The following LRMDA variants were observed in gnomAD, a reference collection of about 807,000 sequenced individuals.
The protein encoded by LRMDA is leucine-rich melanocyte differentiation-associated protein.
A neutral mutation model predicts 29.8 loss-of-function variants in LRMDA; 18 were observed. The observed-to-expected ratio is 0.60, with a 90% CI of 0.42 to 0.90. LRMDA has a LOEUF of 0.90. LRMDA is among the 40% of genes least tolerant of loss of function. The pLI, the probability that LRMDA is intolerant of heterozygous loss-of-function variation, is 0.00. For synonymous variants in LRMDA, 125 were observed against 109.4 expected, an observed-to-expected ratio of 1.14 and a Z score of -0.89; for missense variants, 273 against 273.9, an observed-to-expected ratio of 1.00 and a Z score of 0.02.
intron 5 of LRMDA, among the ~76,000 whole-genome samples, chr10:76,131,454 A>AT (rs1849990657): frequency 6.6e-6 from 1 of 152,156 alleles, no homozygotes; most frequent in Non-Finnish European, 1.5e-5. Context: ...TTCAATGGAC[A>AT]TTTTTATGTT....
intron 2 of LRMDA, among the ~76,000 whole-genome samples, chr10:75,830,599 G>A (rs1324345787): frequency 1.3e-5 from 2 of 151,066 alleles, no homozygotes; most frequent in Non-Finnish European, 2.9e-5. Flanking sequence ...ATCTTGTGAG[G>A]CCCATTCACT....
In LRMDA at chr10:76,260,670, C is replaced by T. The variant is rs1839927418; in HGVS notation, c.517-63731C>T. ...GAGTATAATGTGCCTCCAAGAGAAC[C>T]TGTTTGGGGTGACTCTATTTGGAGT... On this transcript the variant is annotated intron_variant, in intron 5 of 6. Coordinates refer to ENST00000611255, the MANE Select transcript of LRMDA (RefSeq NM_001305581.2). 3 of 152,126 alleles carry T rather than the reference C, an allele frequency of 2.0e-5. No homozygotes were observed. In the South Asian group the frequency reaches 6.2e-4, roughly 32 times the overall value. The allele number at this position is 152,126 out of a possible 1,614,324, so 9.4% of individuals were successfully genotyped here.
chr10:75,523,905 G>A (rs10824314), intron 2 of LRMDA, among the ~76,000 whole-genome samples: 36,320 of 151,994 alleles, frequency 0.24, 4,489 homozygotes, highest in Non-Finnish European at 0.26. Flanking sequence ...TATAGAAAAA[G>A]CATCTGAAAA....
intron 2 of LRMDA, among the ~76,000 whole-genome samples, chr10:75,672,269 C>G (rs1841900064): frequency 6.6e-6 from 1 of 151,934 alleles, no homozygotes; most frequent in Non-Finnish European, 1.5e-5. Context: ...GCTCCGTGGT[C>G]TACCCAGACA....
In LRMDA at chr10:76,557,456, A is replaced by G. The variant is rs1404069601; in HGVS notation, c.*168A>G. 3 of 630,116 alleles carry G rather than the reference A, an allele frequency of 4.8e-6. No homozygotes were observed. The highest frequency in any genetic ancestry group is 2.7e-5 in the East Asian group (1 of 36,858). 39.0% of individuals were successfully genotyped at this position (630,116 alleles called of 1,614,324 possible). ...CGCTGACTTTGCCAGGCCTGTCAAG[A>G]TGATCCTTCTGCCTTAGACTGAGTG... is the stretch of plus-strand genomic sequence containing the variant. On this transcript the variant is annotated 3_prime_UTR_variant, in exon 7 of 7. Coordinates refer to ENST00000611255, the MANE Select transcript of LRMDA (RefSeq NM_001305581.2).
intron 5 of LRMDA, among the ~76,000 whole-genome samples, chr10:76,137,345 C>T (rs961177243): frequency 1.3e-5 from 2 of 152,146 alleles, no homozygotes; most frequent in Non-Finnish European, 2.9e-5. Context: ...TGGCTGTAAA[C>T]AGTGTTGAAT....
At chr10:75,463,373 G>A (rs780681065) in intron 2 of LRMDA, among the ~76,000 whole-genome samples, 25 of 152,254 alleles carry the variant, frequency 1.6e-4, no homozygotes, top group African/African-American at 3.4e-4. Flanking sequence ...TGACTTGAGC[G>A]TCAAGGAGTT....
At chr10:75,547,730 G>A (rs561644335) in intron 2 of LRMDA, among the ~76,000 whole-genome samples, 6 of 152,172 alleles carry the variant, frequency 3.9e-5, no homozygotes, top group African/African-American at 9.6e-5. Flanking sequence ...GGGCTGTTAC[G>A]TAAAAAAAAT....
rs565720450 is a variant in LRMDA, at chr10:76,478,184, T to A, written c.602-79025T>A. Among the ~76,000 whole-genome samples, 9 of 152,036 alleles carry A rather than the reference T, an allele frequency of 5.9e-5. No homozygotes were observed. In the East Asian group the frequency reaches 1.6e-3, roughly 26 times the overall value. ...AAGGGCTAATATCCAGAATCTACAATGAACTCCAACAAATTTACAAGAAAA... is the reference window on the plus strand; with the variant it reads ...AAGGGCTAATATCCAGAATCTACAAAGAACTCCAACAAATTTACAAGAAAA... On this transcript the variant is annotated intron_variant, in intron 6 of 6. Coordinates refer to ENST00000611255, the MANE Select transcript of LRMDA (RefSeq NM_001305581.2).
chr10:75,449,660 A>AT (rs1490214357), intron 2 of LRMDA, among the ~76,000 whole-genome samples: 1 of 151,762 alleles, frequency 6.6e-6, no homozygotes, highest in Non-Finnish European at 1.5e-5. Context: ...GCTCTCTCCC[A>AT]TTTCTCTAAA....
chr10:75,668,271 G>A (rs1238841660), intron 2 of LRMDA, among the ~76,000 whole-genome samples: 1 of 152,156 alleles, frequency 6.6e-6, no homozygotes, highest in Non-Finnish European at 1.5e-5. Flanking sequence ...CTGCATCTGT[G>A]GCTTAAGGTT....
chr10:76,457,394 G>T (rs1842467215), intron 6 of LRMDA, among the ~76,000 whole-genome samples: 1 of 152,164 alleles, frequency 6.6e-6, no homozygotes, highest in African/African-American at 2.4e-5. Context: ...GTTGCCCGAT[G>T]TGCATGTTTC....
chr10:75,903,028 A>G (rs1453606813), intron 2 of LRMDA, among the ~76,000 whole-genome samples: 1 of 152,220 alleles, frequency 6.6e-6, no homozygotes, highest in Non-Finnish European at 1.5e-5. Flanking sequence ...CGCCCAGTCT[A>G]GGAGGGGCCG....
intron 2 of LRMDA, among the ~76,000 whole-genome samples, chr10:75,458,684 G>T (rs1425195886): frequency 6.6e-6 from 1 of 152,116 alleles, no homozygotes; most frequent in African/African-American, 2.4e-5. Context: ...CTCTACAGCA[G>T]TTTCAACATA....
chr10:76,189,086 G>T (rs1462066155), intron 5 of LRMDA, among the ~76,000 whole-genome samples: 1 of 152,170 alleles, frequency 6.6e-6, no homozygotes, highest in Non-Finnish European at 1.5e-5. Context: ...GGCCAGGCGT[G>T]GTGACTCATG....
intron 2 of LRMDA, among the ~76,000 whole-genome samples, chr10:75,924,941 G>A (rs571988120): frequency 3.9e-5 from 6 of 152,292 alleles, no homozygotes; most frequent in East Asian, 3.9e-4. Flanking sequence ...TCACATGCTC[G>A]TCCCAGTGGC....
At chr10:76,369,313 A>G (rs1242542313) in intron 6 of LRMDA, among the ~76,000 whole-genome samples, 2 of 152,070 alleles carry the variant, frequency 1.3e-5, no homozygotes, top group Non-Finnish European at 2.9e-5. Flanking sequence ...TAGTTTGGTA[A>G]TGGTGAGTTC....
At chr10:75,469,736 A>G (rs949699991) in intron 2 of LRMDA, among the ~76,000 whole-genome samples, 4 of 152,078 alleles carry the variant, frequency 2.6e-5, no homozygotes, top group African/African-American at 9.7e-5. Context: ...CAGAGGGGTG[A>G]GTGTTTCTGC....
At chr10:75,539,123 G>A (rs1261642779) in intron 2 of LRMDA, among the ~76,000 whole-genome samples, 1 of 152,178 alleles carries the variant, frequency 6.6e-6, no homozygotes, top group Non-Finnish European at 1.5e-5. Context: ...ACAATGTAAG[G>A]CATTTTCCCT....
Sources: allele counts gnomAD v4.1 joint callset (sites outside exome capture counted in the v4.1 genomes callset), GRCh38; gene constraint gnomAD v4.1.1; transcripts MANE v1.5; gene names NCBI Gene and HGNC (gene_info 2026-07-23, HGNC 2026-07-21).